The following CLTB variants were observed in gnomAD, a reference collection of about 807,000 sequenced individuals.
CLTB encodes the protein clathrin light chain B.
In CLTB, 10 loss-of-function variants were observed where a neutral mutation model predicts 30.5. That is an observed-to-expected ratio of 0.33 (90% CI 0.20 to 0.56). The LOEUF is 0.56. Among genes scored for constraint, CLTB ranks in the 20% least tolerant of loss-of-function variants. The pLI, the probability that CLTB is intolerant of heterozygous loss-of-function variation, is 0.91. For missense variants in CLTB, 261 were observed against 308.3 expected (o/e 0.85, Z 1.15); for synonymous variants, 102 against 120.3 (o/e 0.85, Z 1.00).
At chr5:176,394,536 G>A (rs537120301) in intron 5 of CLTB, among the ~76,000 whole-genome samples, 1 of 152,010 alleles carries the variant, frequency 6.6e-6, no homozygotes, top group African/African-American at 2.4e-5. Flanking sequence ...AGCTGGGTGT[G>A]GCCAGGCGCG....
chr5:176,416,396 G>T lies in CLTB; in HGVS notation c.-33C>A, dbSNP rs769105150. 13 of 1,564,122 alleles carry T rather than the reference G, an allele frequency of 8.3e-6. No homozygotes were observed. In the South Asian group the frequency reaches 1.4e-4, roughly 17 times the overall value. On this transcript the variant is annotated 5_prime_UTR_variant, in exon 1 of 6. Transcript: ENST00000310418. ...GCGCCTCCGCCGGAGCCTCCGCTGC[G>T]CTCGGCTCTGCCCGCGCCTGCCCCG... is the stretch of plus-strand genomic sequence containing the variant.
At chr5:176,415,929 C>G (rs972932889) in intron 1 of CLTB, among the ~76,000 whole-genome samples, 5 of 152,216 alleles carry the variant, frequency 3.3e-5, no homozygotes, top group Non-Finnish European at 5.9e-5. Context: ...AGTGGGGAAG[C>G]TGGCCTGGGG....
rs1051413101 is a variant in CLTB, at chr5:176,416,116, C to A, written c.187+61G>T. 27 of 1,418,386 alleles carry A rather than the reference C, an allele frequency of 1.9e-5. 1 individual carries two copies. In the Admixed American group the frequency reaches 2.3e-4, roughly 12 times the overall value. The allele number at this position is 1,418,386 out of a possible 1,614,324, so 87.9% of individuals were successfully genotyped here. A position where few individuals can be genotyped will look rare whatever the true frequency, so the allele number is the denominator to read the frequency against. The stretch of plus-strand genomic sequence containing the variant: ...GGCTCTCTTCCCTGTGCCCCTGGGC[C>A]CCGGCCGGGGTCCCCCGGGTGCGCG... On this transcript the variant is annotated intron_variant, in intron 1 of 5. Coordinates refer to ENST00000310418, the MANE Select transcript of CLTB (RefSeq NM_007097.5).
chr5:176,408,730 A>C (rs1281573430), intron 2 of CLTB, among the ~76,000 whole-genome samples: 1 of 152,222 alleles, frequency 6.6e-6, no homozygotes, highest in East Asian at 1.9e-4. Context: ...TATGTTGCCC[A>C]GTTTGGTCTC....
At chr5:176,397,805 G>A in intron 3 of CLTB, 87 bp from the exon 4 acceptor site, 1 of 1,499,338 alleles carries the variant, frequency 6.7e-7, no homozygotes, top group Non-Finnish European at 9.3e-7. Context: ...CTGCCAGGCA[G>A]CCACAGGGCC....
chr5:176,412,968 G>T (rs1226158101), intron 1 of CLTB, among the ~76,000 whole-genome samples: 1 of 150,914 alleles, frequency 6.6e-6, no homozygotes, highest in African/African-American at 2.4e-5. Context: ...ACTCCGCCCT[G>T]ACCAACCCCA....
chr5:176,398,303 T>C (rs1756650970), intron 2 of CLTB, among the ~76,000 whole-genome samples: 1 of 152,184 alleles, frequency 6.6e-6, no homozygotes, highest in Non-Finnish European at 1.5e-5. Flanking sequence ...TAGGTTTTGA[T>C]ACCCCCAAAG....
rs62402499 is a variant in CLTB at position 176,405,310 on chromosome 5, G to A, written c.234+4947C>T. Among the ~76,000 whole-genome samples the A allele has an allele frequency of 1.4e-3, 216 of 151,910 alleles. No individual in the cohort carries two copies. The Middle Eastern group carries it at 0.017, about 12-fold the overall frequency. ...TCGAGACCAGCCTGGCCAATATAGC[G>A]AGACCACATCTCCATAAAAAAATTA... On this transcript the variant is annotated intron_variant, in intron 2 of 5. Coordinates refer to ENST00000310418, the MANE Select transcript of CLTB (RefSeq NM_007097.5).
intron 4 of CLTB, among the ~76,000 whole-genome samples, chr5:176,396,935 GC>G (rs777001707): frequency 6.6e-6 from 1 of 152,036 alleles, no homozygotes; most frequent in East Asian, 1.9e-4. Context: ...GGTCTAGAAT[GC>G]CCCCCTACCT....
At chr5:176,406,090 C>T in intron 2 of CLTB, 3 of 937,128 alleles carry the variant, frequency 3.2e-6, no homozygotes, top group Non-Finnish European at 3.8e-6. Flanking sequence ...TTTTCCTGCC[C>T]CTGTCCCCAC....
rs1195035365 is a variant in CLTB at position 176,416,508 on chromosome 5, C to T, written c.-145G>A. The stretch of plus-strand genomic sequence containing the variant: ...ACGGGCTTGGCGCGGACCGCACTTC[C>T]TCTCCGCCACCGGGCCCGGCTGGCT... On this transcript the variant is annotated 5_prime_UTR_variant, in exon 1 of 6. Transcript: ENST00000310418. The T allele has an allele frequency of 5.2e-6, 3 of 577,830 alleles. No homozygotes were observed. The highest frequency in any genetic ancestry group is 4.0e-5 in the African/African-American group (2 of 50,014). 35.8% of individuals were successfully genotyped at this position (577,830 alleles called of 1,614,324 possible).
chr5:176,410,496 A>G (rs1410344615), intron 1 of CLTB, among the ~76,000 whole-genome samples, 193 bp from the exon 2 acceptor site: 2 of 152,186 alleles, frequency 1.3e-5, no homozygotes, highest in Non-Finnish European at 2.9e-5. Flanking sequence ...AGCCTCTCAC[A>G]GCCATTAGTA....
At chr5:176,410,599 C>T (rs1039173785) in intron 1 of CLTB, among the ~76,000 whole-genome samples, 1 of 152,200 alleles carries the variant, frequency 6.6e-6, no homozygotes, top group Non-Finnish European at 1.5e-5. Flanking sequence ...TGCTCAAAAT[C>T]ACCCAGCCAG....
At chr5:176,408,722 T>G (rs2113672784) in intron 2 of CLTB, among the ~76,000 whole-genome samples, 1 of 152,346 alleles carries the variant, frequency 6.6e-6, no homozygotes, top group East Asian at 1.9e-4. Context: ...GGTCTTACTA[T>G]GTTGCCCAGT....
intron 2 of CLTB, chr5:176,406,325 C>T: frequency 9.3e-7 from 1 of 1,076,418 alleles, no homozygotes; most frequent in Non-Finnish European, 1.1e-6. Context: ...AGGCTTGTCT[C>T]AGTCTAGCTC....
chr5:176,409,563 G>A (rs867649680), intron 2 of CLTB, among the ~76,000 whole-genome samples: 1 of 151,892 alleles, frequency 6.6e-6, no homozygotes, highest in African/African-American at 2.4e-5. Flanking sequence ...ACAGGCACCT[G>A]CCACAATGAC....
At chr5:176,400,414 G>A (rs13180938) in intron 2 of CLTB, among the ~76,000 whole-genome samples, 12,960 of 152,118 alleles carry the variant, frequency 0.085, 648 homozygotes, top group Middle Eastern at 0.12. Flanking sequence ...ATGGCACAAC[G>A]TAGTGGCAGA....
Position 176,392,926 on chromosome 5 carries a change from C to T in CLTB, c.538G>A (p.Val180Met), listed in dbSNP as rs772117441. Reference protein sequence around the residue: ...IGYVASEEAFVKESKEETPGT... With the variant: ...IGYVASEEAFMKESKEETPGT... ...GGGGTCTCCTCCTTGGATTCCTTCA[C>T]GAAAGCCTCCTCGGATGCCCTGCGG... Residue 180 changes from valine to methionine, a missense_variant, in exon 6 of 6, where the codon GTG becomes ATG. Around this residue, in one of 3 missense-constraint regions of CLTB, gnomAD observed 123 missense variants for 157.0 expected, o/e 0.78. Transcript: ENST00000310418. The surrounding 1 kb of genome is among the most constrained non-coding windows in gnomAD (Gnocchi z 5.2). The T allele has an allele frequency of 1.1e-5, 17 of 1,614,152 alleles. No homozygotes were observed. Among genetic ancestry groups the T allele is most frequent in the Admixed American group, 1.7e-5 (1 of 60,028 alleles).
At chr5:176,397,821 G>A (rs939244249) in intron 3 of CLTB, 103 bp from the exon 4 acceptor site, 116 of 1,480,310 alleles carry the variant, frequency 7.8e-5, no homozygotes, top group African/African-American at 1.5e-4. Flanking sequence ...GGGCCGCACC[G>A]GCCCAGTCCC....
Sources: gnomAD v4.1 joint callset for allele counts (sites outside exome capture counted in the v4.1 genomes callset) on GRCh38, gnomAD v4.1.1 for gene constraint, gnomAD v4.1.1 regional missense constraint, Gnocchi (gnomAD v3.1) non-coding constraint, MANE v1.5 for transcripts, NCBI Gene and HGNC (gene_info 2026-07-23, HGNC 2026-07-21) for gene names.